The following ADI1 variants were observed in gnomAD, a reference collection of about 807,000 sequenced individuals.
ADI1 encodes the protein acireductone dioxygenase 1.
Under a neutral mutation model 18.7 loss-of-function variants are expected in ADI1, and 21 were observed. The observed-to-expected ratio is 1.13, with a 90% confidence interval of 0.80 to 1.62. ADI1 has a LOEUF of 1.62. Ranked by LOEUF, ADI1 falls within the 40% of genes most tolerant of loss-of-function variation. ADI1 has a pLI of 0.00. For missense variants in ADI1, 245 were observed against 254.9 expected (o/e 0.96, Z 0.26); for synonymous variants, 90 against 100.1 (o/e 0.90, Z 0.60).
chr2:3,514,347 C>G (rs1252252122), intron 1 of ADI1, among the ~76,000 whole-genome samples: 5 of 152,196 alleles, frequency 3.3e-5, no homozygotes, highest in Non-Finnish European at 5.9e-5. Context: ...CATTGATCCT[C>G]AATGCCATCT....
At chr2:3,500,713 C>A in intron 3 of ADI1, 101 bp downstream of exon 3, 1 of 1,503,590 alleles carries the variant, frequency 6.7e-7, no homozygotes, top group Non-Finnish European at 9.2e-7. Context: ...GCCCAGCGAC[C>A]GCGCTTGGAG....
intron 2 of ADI1, among the ~76,000 whole-genome samples, chr2:3,504,931 AGTTCACCTGTGTATGTTTGTATTTTCT>A (rs1333493852): frequency 3.0e-4 from 39 of 132,188 alleles, no homozygotes; most frequent in African/African-American, 8.5e-4. Context: ...TTGCATTGTC[AGTTCACCTGTGTATGTTTGTATTTTCT>A]GTTCACCTGT....
At chr2:3,516,144 T>A in intron 1 of ADI1, 2 of 771,482 alleles carry the variant, frequency 2.6e-6, no homozygotes, top group Non-Finnish European at 3.2e-6. Flanking sequence ...AGGATGTGAT[T>A]AAGTCATGAG....
Position 3,513,994 on chromosome 2 carries a change from C to T in ADI1, c.121-18G>A. Reference sequence around the variant, plus strand: ...GCATCCAGCTAAAAGAGTTAACCCACCAAAAACAAGAGCTCAGATTAACAA... The same window carrying T: ...GCATCCAGCTAAAAGAGTTAACCCATCAAAAACAAGAGCTCAGATTAACAA... On this transcript the variant is annotated intron_variant, in intron 1 of 3. Transcript: ENST00000327435. 6.3e-7 allele frequency: 1 copy of T among 1,579,342 alleles called. No homozygotes were observed. Among genetic ancestry groups the T allele is most frequent in the Non-Finnish European group, 8.5e-7 (1 of 1,169,722 alleles).
rs1354195682 is a variant in ADI1 at position 3,508,350 on chromosome 2, A to C, written c.240+5507T>G. 3.2e-3 allele frequency among the ~76,000 whole-genome samples: 479 copies of C among 147,506 alleles called. 12 individuals carry two copies. The highest frequency in any genetic ancestry group is 0.012 in the African/African-American group (461 of 38,486). On this transcript the variant is annotated intron_variant, in intron 2 of 3. Transcript: ENST00000327435. ...ACTCTGTCTCAAAAAAAAAAAAAAA[A>C]AAAAAAAAAACAATAACAAAGAACA...
chr2:3,498,537 C>A lies in ADI1; in HGVS notation c.*426G>T, dbSNP rs3350. On this transcript the variant is annotated 3_prime_UTR_variant, in exon 4 of 4. Coordinates refer to ENST00000327435, the MANE Select transcript of ADI1 (RefSeq NM_018269.4). Reference sequence around the variant, plus strand: ...GCCCCTTAGGGTGGGAGCTCTTCCCCCTACCACTCCCCACCCCAAGGCATC... The same window carrying A: ...GCCCCTTAGGGTGGGAGCTCTTCCCACTACCACTCCCCACCCCAAGGCATC... The A allele has an allele frequency of 0.057, 8,961 of 156,840 alleles. 281 individuals are homozygous for A. The highest frequency in any genetic ancestry group is 0.11 in the East Asian group (571 of 5,390). 9.7% of individuals were successfully genotyped at this position (156,840 alleles called of 1,614,324 possible).
chr2:3,503,705 G>A (rs2103204490), intron 2 of ADI1, among the ~76,000 whole-genome samples: 1 of 152,358 alleles, frequency 6.6e-6, no homozygotes, highest in East Asian at 1.9e-4. Flanking sequence ...AAAGCAGGAG[G>A]TGGGCCTGGA....
chr2:3,510,863 A>T (rs960611307), intron 2 of ADI1, among the ~76,000 whole-genome samples: 4 of 152,224 alleles, frequency 2.6e-5, no homozygotes, highest in Admixed American at 2.0e-4. Context: ...ATAAGGAAAG[A>T]ATAATACTAT....
intron 2 of ADI1, among the ~76,000 whole-genome samples, chr2:3,508,378 CACA>C (rs1341260455): frequency 7.9e-6 from 1 of 127,008 alleles, no homozygotes; most frequent in Non-Finnish European, 1.8e-5. Flanking sequence ...AAAGAACAAG[CACA>C]ACAAATAGAA....
intron 2 of ADI1, among the ~76,000 whole-genome samples, chr2:3,513,606 C>T (rs764195366): frequency 7.9e-5 from 12 of 152,152 alleles, no homozygotes; most frequent in Non-Finnish European, 1.5e-4. Flanking sequence ...TTGCCTTCTG[C>T]CATGTAAGCT....
chr2:3,516,909 C>A, intron 1 of ADI1: 1 of 984,848 alleles, frequency 1.0e-6, no homozygotes, highest in Non-Finnish European at 1.2e-6. Flanking sequence ...GTGTGTGTGG[C>A]TTTTTTGTTT....
rs1023746778 is a variant in ADI1, at chr2:3,514,673, T to C, written c.121-697A>G. On this transcript the variant is annotated intron_variant, in intron 1 of 3. Transcript: ENST00000327435. ...TCTCTATTAAGGTTCAGTTTTACTG[T>C]TCCTTCCTGACGAAGCACTTCCCTG... is the stretch of plus-strand genomic sequence containing the variant. 2.0e-5 allele frequency: 23 copies of C among 1,163,956 alleles called. No homozygotes were observed. The Admixed American group carries it at 4.0e-4, about 20-fold the overall frequency. The allele number at this position is 1,163,956 out of a possible 1,614,324, so 72.1% of individuals were successfully genotyped here.
chr2:3,503,420 C>T (rs918815940), intron 2 of ADI1, among the ~76,000 whole-genome samples: 1 of 151,878 alleles, frequency 6.6e-6, no homozygotes, highest in Non-Finnish European at 1.5e-5. Flanking sequence ...CACACGTACA[C>T]ACACGAGTGC....
rs1280551037 is a variant in ADI1, at chr2:3,513,989, AC to A, written c.121-14del. On this transcript the variant is annotated splice_polypyrimidine_tract_variant and intron_variant, in intron 1 of 3. Transcript: ENST00000327435. Reference sequence around the variant, plus strand: ...TGTCAGCATCCAGCTAAAAGAGTTAACCCACCAAAAACAAGAGCTCAGATTA... The same window carrying A: ...TGTCAGCATCCAGCTAAAAGAGTTAACCACCAAAAACAAGAGCTCAGATTA... The A allele has an allele frequency of 6.3e-7, 1 of 1,585,560 alleles. No homozygotes were observed. Among genetic ancestry groups the A allele is most frequent in the Non-Finnish European group, 8.5e-7 (1 of 1,172,240 alleles).
In ADI1 at chr2:3,502,001, CCACACACA is replaced by C. The variant is rs70938947; in HGVS notation, c.241-1016_241-1009del. ...TGTTCATATCTCCACACCTCCCGCTCCACACACACACACACACACACACACACACACAC... is the reference window on the plus strand; with the variant it reads ...TGTTCATATCTCCACACCTCCCGCTCCACACACACACACACACACACACAC... On this transcript the variant is annotated intron_variant, in intron 2 of 3. Coordinates refer to ENST00000327435, the MANE Select transcript of ADI1 (RefSeq NM_018269.4). Among the ~76,000 whole-genome samples, 31 of 105,040 alleles carry C rather than the reference CCACACACA, an allele frequency of 3.0e-4. 1 individual carries two copies. Among genetic ancestry groups the C allele is most frequent in the East Asian group, 2.0e-3 (8 of 4,018 alleles). The allele number at this position is 105,040 out of a possible 152,430, so 68.9% of individuals were successfully genotyped here.
At chr2:3,515,952 G>C (rs1403028512) in intron 1 of ADI1, 1 of 985,320 alleles carries the variant, frequency 1.0e-6, no homozygotes. Context: ...CTACAAAGTT[G>C]ACTCTAAAAC....
At chr2:3,516,778 T>C (rs1025880744) in intron 1 of ADI1, 68 of 985,318 alleles carry the variant, frequency 6.9e-5, no homozygotes, top group Non-Finnish European at 7.5e-5. Context: ...GACAAAAGGT[T>C]TTTTAGAACT....
chr2:3,503,311 A>G (rs1007830312), intron 2 of ADI1, among the ~76,000 whole-genome samples: 2 of 142,936 alleles, frequency 1.4e-5, no homozygotes, highest in African/African-American at 5.5e-5. Context: ...ACACACTGAC[A>G]CGCACATTCA....
At chr2:3,506,727 A>T (rs1013565772) in intron 2 of ADI1, among the ~76,000 whole-genome samples, 5 of 152,252 alleles carry the variant, frequency 3.3e-5, no homozygotes, top group African/African-American at 1.2e-4. Flanking sequence ...CACAAGACCC[A>T]GAATACCCAA....
Sources: gnomAD v4.1 joint callset for allele counts (sites outside exome capture counted in the v4.1 genomes callset) on GRCh38, gnomAD v4.1.1 for gene constraint, MANE v1.5 for transcripts, NCBI Gene and HGNC (gene_info 2026-07-23, HGNC 2026-07-21) for gene names.